The following ANKRD11 variants were observed in gnomAD, a reference collection of about 807,000 sequenced individuals.
ANKRD11 encodes the protein ankyrin repeat domain 11, also known as ankyrin repeat domain-containing protein 11.
A neutral mutation model predicts 195.7 loss-of-function variants in ANKRD11; 17 were observed. The ratio of observed to expected loss-of-function variants is 0.09; its 90% confidence interval spans 0.06 to 0.13. ANKRD11 has a LOEUF of 0.13. Among genes scored for constraint, ANKRD11 ranks in the 10% least tolerant of loss-of-function variants. ANKRD11 has a pLI of 1.00. For missense variants in ANKRD11, 3,735 were observed against 3,566.1 expected, an observed-to-expected ratio of 1.05 and a Z score of -1.21; for synonymous variants, 1,953 against 1,528.1, an observed-to-expected ratio of 1.28 and a Z score of -6.49.
chr16:89,425,562 A>G (rs923310117), intron 1 of ANKRD11, among the ~76,000 whole-genome samples: 1 of 152,152 alleles, frequency 6.6e-6, no homozygotes, highest in African/African-American at 2.4e-5. Flanking sequence ...CAGGTCACCT[A>G]TCCACTCTGA....
intron 1 of ANKRD11, among the ~76,000 whole-genome samples, chr16:89,451,198 G>A (rs1010642293): frequency 5.3e-5 from 8 of 152,268 alleles, no homozygotes; most frequent in African/African-American, 1.9e-4. Context: ...CTACAGACTA[G>A]CCTAACAAGT....
intron 1 of ANKRD11, among the ~76,000 whole-genome samples, chr16:89,435,327 C>T (rs998333826): frequency 6.6e-6 from 1 of 152,142 alleles, no homozygotes; most frequent in Admixed American, 6.6e-5. Context: ...TGGGCAGGGC[C>T]GAATAAGGGA....
At position 89,432,867 on chromosome 16, in the gene ANKRD11, C is replaced by T. The variant is rs185611192; in HGVS notation, c.-144-14499G>A. Among the ~76,000 whole-genome samples the T allele has an allele frequency of 3.9e-5, 6 of 152,030 alleles. No individual in the cohort carries two copies. In the East Asian group the frequency reaches 1.2e-3, roughly 29 times the overall value. On this transcript the variant is annotated intron_variant, in intron 1 of 12. Transcript: ENST00000301030. ...CACTTGAGTCTCTACTCAGGAGAAT[C>T]ACTTGAGCCTGTGAGGTCGAGGCTG...
At chr16:89,306,457 C>T (rs528089357) in intron 3 of ANKRD11, among the ~76,000 whole-genome samples, 9 of 111,998 alleles carry the variant, frequency 8.0e-5, no homozygotes, top group East Asian at 3.7e-4. Context: ...CGCAGACACG[C>T]GCCACCCACC....
chr16:89,471,191 T>C (rs567857822), intron 1 of ANKRD11, among the ~76,000 whole-genome samples: 1 of 151,836 alleles, frequency 6.6e-6, no homozygotes, highest in Non-Finnish European at 1.5e-5. Context: ...ACCTCTGTTT[T>C]AAAAGTAAAA....
chr16:89,283,581 G>A lies in ANKRD11; in HGVS notation c.2961C>T (p.Asp987=). Residue 987 remains aspartate, a synonymous_variant, in exon 9 of 13, where the codon GAC becomes GAT. Coordinates refer to ENST00000301030, the MANE Select transcript of ANKRD11 (RefSeq NM_013275.6). This position sits in a 1 kb window ranked among gnomAD's most constrained non-coding sequence, Gnocchi z 4.3. The part of the protein sequence containing the change: ...KECGCESGFK[D]KSDGDFGKGL... ...CCTTCCCAAAGTCGCCGTCGGACTTGTCCTTGAAGCCACTCTCGCAGCCAC... is the reference window on the plus strand; with the variant it reads ...CCTTCCCAAAGTCGCCGTCGGACTTATCCTTGAAGCCACTCTCGCAGCCAC... The A allele has an allele frequency of 1.2e-6, 2 of 1,610,450 alleles. No homozygotes were observed. The highest frequency in any genetic ancestry group is 1.1e-5 in the South Asian group (1 of 91,090).
chr16:89,438,544 G>T (rs897361518), intron 1 of ANKRD11, among the ~76,000 whole-genome samples: 1 of 152,108 alleles, frequency 6.6e-6, no homozygotes, highest in Non-Finnish European at 1.5e-5. Context: ...GTTGGGCCAG[G>T]CTGGTCTTGA....
At chr16:89,316,840 C>A (rs377071896) in intron 3 of ANKRD11, 93 bp downstream of exon 3, 3 of 1,454,094 alleles carry the variant, frequency 2.1e-6, no homozygotes, top group African/African-American at 2.8e-5. Context: ...GGCCGGAGGG[C>A]GGAGAACAGG....
At chr16:89,398,564 T>G (rs1411506861) in intron 2 of ANKRD11, among the ~76,000 whole-genome samples, 1 of 152,140 alleles carries the variant, frequency 6.6e-6, no homozygotes, top group Non-Finnish European at 1.5e-5. Flanking sequence ...AAAAAAATTT[T>G]TTTTTAACAA....
At chr16:89,453,729 A>G (rs767910750) in intron 1 of ANKRD11, among the ~76,000 whole-genome samples, 4 of 152,224 alleles carry the variant, frequency 2.6e-5, no homozygotes, top group Non-Finnish European at 5.9e-5. Context: ...GCGGCAAACA[A>G]AAGAGACCGG....
At chr16:89,402,175 C>A (rs571413423) in intron 2 of ANKRD11, among the ~76,000 whole-genome samples, 1 of 152,264 alleles carries the variant, frequency 6.6e-6, no homozygotes, top group South Asian at 2.1e-4. Context: ...AGGAGGACGA[C>A]CTACAGTTCA....
At chr16:89,445,782 C>G (rs552612995) in intron 1 of ANKRD11, among the ~76,000 whole-genome samples, 17 of 152,132 alleles carry the variant, frequency 1.1e-4, no homozygotes, top group African/African-American at 4.1e-4. Flanking sequence ...CGAGACCAGC[C>G]TGACCCACAT....
rs751159286 is a variant in ANKRD11, at chr16:89,282,276, C to T, written c.4266G>A (p.Leu1422=). 6.2e-7 allele frequency: 1 copy of T among 1,614,012 alleles called. No individual in the cohort carries two copies. Among genetic ancestry groups the T allele is most frequent in the Non-Finnish European group, 8.5e-7 (1 of 1,180,018 alleles). Residue 1422 remains leucine (L), a synonymous_variant, in exon 9 of 13, where the codon TTG becomes TTA. Transcript: ENST00000301030. The stretch of plus-strand genomic sequence containing the variant: ...TTTTATCTTTCTTTTCGGTAGAAAA[C>T]AATTCAATGGTTTTATCTAGCTCAT... The part of the protein sequence containing the change: ...IEDELDKTIE[L]FSTEKKDKND...
intron 2 of ANKRD11, among the ~76,000 whole-genome samples, chr16:89,385,915 A>T (rs1323107539): frequency 6.6e-6 from 1 of 152,192 alleles, no homozygotes; most frequent in Non-Finnish European, 1.5e-5. Flanking sequence ...CCCCACTCCC[A>T]GGAGGTCACC....
intron 1 of ANKRD11, among the ~76,000 whole-genome samples, chr16:89,438,035 G>C (rs932597765): frequency 1.3e-5 from 2 of 152,196 alleles, no homozygotes; most frequent in African/African-American, 4.8e-5. Flanking sequence ...ACCAGGCAGA[G>C]TCCACCATGA....
chr16:89,353,739 C>G (rs2039330188), intron 2 of ANKRD11, among the ~76,000 whole-genome samples: 2 of 152,190 alleles, frequency 1.3e-5, no homozygotes, highest in Non-Finnish European at 1.5e-5. Flanking sequence ...CTGGGCCTCC[C>G]AAAGTGCTGG....
Position 89,274,846 on chromosome 16 carries a change from A to C in ANKRD11, c.7681T>G (p.Ser2561Ala). 1 of 1,612,532 alleles carries C rather than the reference A, an allele frequency of 6.2e-7. No homozygotes were observed. Among genetic ancestry groups the C allele is most frequent in the Non-Finnish European group, 8.5e-7 (1 of 1,179,872 alleles). ...TCCAGGGGCATGTTGTAGACCTCGG[A>C]GTCCAGCAGCATCGTGCAGGCGCTG... The part of the protein sequence containing the change: ...PFSACTMLLD[S>A]EVYNMPLESQ... Residue 2561 changes from serine (S) to alanine (A), a missense_variant, in exon 11 of 13, where the codon TCC becomes GCC. By Grantham distance (99) the Ser-to-Ala change is moderately conservative (BLOSUM62 1). Transcript: ENST00000301030.
intron 4 of ANKRD11, among the ~76,000 whole-genome samples, chr16:89,302,180 G>T (rs953448618): frequency 6.6e-6 from 1 of 152,224 alleles, no homozygotes; most frequent in African/African-American, 2.4e-5. Flanking sequence ...GAGGGGACGC[G>T]GCGTGTGTGA....
chr16:89,356,852 T>C (rs900155526), intron 2 of ANKRD11, among the ~76,000 whole-genome samples: 1 of 148,900 alleles, frequency 6.7e-6, no homozygotes, highest in Non-Finnish European at 1.5e-5. Context: ...AAAAGGATAA[T>C]GCACATAATA....
Sources: allele counts gnomAD v4.1 joint callset (sites outside exome capture counted in the v4.1 genomes callset), GRCh38; gene constraint gnomAD v4.1.1; non-coding constraint Gnocchi (gnomAD v3.1); transcripts MANE v1.5; gene names NCBI Gene and HGNC (gene_info 2026-07-23, HGNC 2026-07-21).